UVRAG: variants seen among roughly 807,000 people sequenced by gnomAD.
UVRAG encodes the protein UV radiation resistance-associated gene protein.
A neutral mutation model predicts 78.0 loss-of-function variants in UVRAG; 19 were observed. That is an observed-to-expected ratio of 0.24 (90% CI 0.17 to 0.36). The LOEUF (loss-of-function observed/expected upper bound fraction) is 0.36. Among genes scored for constraint, UVRAG ranks in the 10% least tolerant of loss-of-function variants. UVRAG has a pLI of 1.00. For synonymous variants in UVRAG, 323 were observed against 324.6 expected (o/e 1.00, Z 0.05); for missense variants, 740 against 853.8 (o/e 0.87, Z 1.66).
intron 13 of UVRAG, among the ~76,000 whole-genome samples, chr11:76,103,910 C>G (rs1207707107): frequency 6.6e-6 from 1 of 151,490 alleles, no homozygotes; most frequent in Admixed American, 6.6e-5. Context: ...AGAGATGTAA[C>G]TATTGTCAAA....
Position 76,065,739 on chromosome 11 carries a change from A to C in UVRAG, c.1256A>C (p.Lys419Thr). ...EFPLYPKGGE[K>T]LQFDYGVYLL... is the part of the protein sequence containing the mutation. The stretch of plus-strand genomic sequence containing the variant: ...CCACTGTATCCAAAAGGAGGGGAGA[A>C]GTTGCAGTTTGATTATGGTGTCTAT... The change falls in exon 13 of 15, where the codon AAG (lysine) becomes ACG (threonine). Residue 419 changes from lysine to threonine, a missense_variant. Physicochemically the swap from Lys to Thr is moderately conservative, Grantham distance 78. Transcript: ENST00000356136. 1.2e-6 allele frequency: 2 copies of C among 1,613,956 alleles called. No individual in the cohort carries two copies. Among genetic ancestry groups the C allele is most frequent in the Middle Eastern group, 1.7e-4 (1 of 6,060 alleles).
intron 1 of UVRAG, among the ~76,000 whole-genome samples, chr11:75,817,477 C>T (rs1047392401): frequency 1.3e-5 from 2 of 152,100 alleles, no homozygotes; most frequent in African/African-American, 4.8e-5. Flanking sequence ...CAGCTGAATG[C>T]TATATGAGTG....
At chr11:76,098,303 C>T (rs566973085) in intron 13 of UVRAG, among the ~76,000 whole-genome samples, 5 of 152,040 alleles carry the variant, frequency 3.3e-5, no homozygotes, top group Non-Finnish European at 5.9e-5. Context: ...CAGACTGTGT[C>T]GGGAGTTTTC....
At position 75,939,392 on chromosome 11, in the gene UVRAG, C is replaced by T. The variant is rs145905793; in HGVS notation, c.594-22052C>T. 4.9e-3 allele frequency among the ~76,000 whole-genome samples: 750 copies of T among 152,206 alleles called. 4 individuals are homozygous for T. The highest frequency in any genetic ancestry group is 0.016 in the African/African-American group (685 of 41,532). ...GGAGTTAGATTCATATGATCTGATT[C>T]CTTCCCATAGAGAACTCAGAGCTTA... On this transcript the variant is annotated intron_variant, in intron 6 of 14. Coordinates refer to ENST00000356136, the MANE Select transcript of UVRAG (RefSeq NM_003369.4).
intron 9 of UVRAG, 138 bp downstream of exon 9, chr11:76,004,227 A>G: frequency 1.3e-6 from 1 of 760,236 alleles, no homozygotes. Flanking sequence ...TATTCAACAC[A>G]TATTCATTAA....
chr11:76,022,884 A>G (rs2135383804), intron 12 of UVRAG, among the ~76,000 whole-genome samples: 1 of 151,934 alleles, frequency 6.6e-6, no homozygotes, highest in East Asian at 1.9e-4. Flanking sequence ...ATATTTTTTG[A>G]GGTGTACCCT....
chr11:75,984,489 T>C (rs7121323), intron 8 of UVRAG, among the ~76,000 whole-genome samples: 16,276 of 152,126 alleles, frequency 0.11, 2,098 homozygotes, highest in African/African-American at 0.31. Flanking sequence ...ACATTTTCAA[T>C]TTATGATACT....
chr11:76,024,053 T>C (rs1028266514), intron 12 of UVRAG, among the ~76,000 whole-genome samples: 29 of 152,332 alleles, frequency 1.9e-4, no homozygotes, highest in African/African-American at 6.7e-4. Context: ...GAGACTGGGA[T>C]ATTTCCAACC....
intron 6 of UVRAG, among the ~76,000 whole-genome samples, chr11:75,946,767 T>C (rs1948596143): frequency 6.6e-6 from 1 of 152,218 alleles, no homozygotes; most frequent in South Asian, 2.1e-4. Flanking sequence ...GGCCCTCTCA[T>C]GCTTCAAATC....
At chr11:76,138,570 C>T (rs1952641092) in intron 14 of UVRAG, among the ~76,000 whole-genome samples, 1 of 152,340 alleles carries the variant, frequency 6.6e-6, no homozygotes, top group Non-Finnish European at 1.5e-5. Flanking sequence ...GCTGGGTGTG[C>T]CCCAGGCCTG....
At chr11:75,824,599 T>C (rs1945469102) in intron 1 of UVRAG, among the ~76,000 whole-genome samples, 1 of 151,990 alleles carries the variant, frequency 6.6e-6, no homozygotes, top group Non-Finnish European at 1.5e-5. Context: ...TTTCCAAATG[T>C]GTATTTTTGA....
intron 13 of UVRAG, among the ~76,000 whole-genome samples, chr11:76,094,816 A>G (rs1456939302): frequency 6.6e-6 from 1 of 152,128 alleles, no homozygotes; most frequent in African/African-American, 2.4e-5. Context: ...AGCTTGGAGC[A>G]TGTGGACAGG....
At chr11:75,865,823 C>T (rs1946525316) in intron 3 of UVRAG, among the ~76,000 whole-genome samples, 1 of 152,120 alleles carries the variant, frequency 6.6e-6, no homozygotes, top group African/African-American at 2.4e-5. Context: ...CCATGTTGGC[C>T]AGGCTGGTGT....
chr11:75,878,884 G>A (rs1392252067), intron 3 of UVRAG, among the ~76,000 whole-genome samples: 1 of 131,698 alleles, frequency 7.6e-6, no homozygotes, highest in African/African-American at 2.8e-5. Flanking sequence ...TGGGGAGACG[G>A]GACAGGGACA....
At chr11:75,949,589 A>G (rs1021484748) in intron 6 of UVRAG, among the ~76,000 whole-genome samples, 23 of 151,992 alleles carry the variant, frequency 1.5e-4, no homozygotes, top group African/African-American at 5.3e-4. Context: ...CGTGTTCTAC[A>G]TCGCAGTAAA....
intron 6 of UVRAG, among the ~76,000 whole-genome samples, chr11:75,953,209 G>T (rs995494403): frequency 2.0e-5 from 3 of 152,032 alleles, no homozygotes; most frequent in Non-Finnish European, 4.4e-5. Context: ...ATTTAGGACA[G>T]AGCCATTTGT....
chr11:75,897,591 C>G (rs1299649737), intron 5 of UVRAG, among the ~76,000 whole-genome samples: 2 of 152,012 alleles, frequency 1.3e-5, no homozygotes. Context: ...GTGGCATGAT[C>G]TCGGCTCACT....
At chr11:75,906,959 T>A (rs1947629014) in intron 5 of UVRAG, among the ~76,000 whole-genome samples, 1 of 152,226 alleles carries the variant, frequency 6.6e-6, no homozygotes, top group Non-Finnish European at 1.5e-5. Flanking sequence ...TATGCGAATC[T>A]TCTAACTTTG....
intron 12 of UVRAG, among the ~76,000 whole-genome samples, chr11:76,037,571 G>A (rs1950558846): frequency 6.6e-6 from 1 of 151,442 alleles, no homozygotes; most frequent in Non-Finnish European, 1.5e-5. Context: ...AAATCAGCTG[G>A]GCGTGGTGGC....
Sources: allele counts gnomAD v4.1 joint callset (sites outside exome capture counted in the v4.1 genomes callset), GRCh38; gene constraint gnomAD v4.1.1; transcripts MANE v1.5; gene names NCBI Gene and HGNC (gene_info 2026-07-23, HGNC 2026-07-21).